Variants in ZNF493 observed in about 807,000 individuals in gnomAD.
The protein encoded by ZNF493 is zinc finger protein 493.
In ZNF493, 11 loss-of-function variants were observed where a neutral mutation model predicts 12.2. The ratio of observed to expected loss-of-function variants is 0.90; its 90% CI spans 0.57 to 1.50. The LOEUF (loss-of-function observed/expected upper bound fraction) is 1.50, where lower values mean the gene tolerates loss of function less well. Among genes scored for constraint, ZNF493 ranks in the 40% most tolerant of loss-of-function variants. The probability of loss-of-function intolerance (pLI) is 0.00; values close to 1 mark genes in which losing one functional copy is unlikely to be tolerated. For synonymous variants in ZNF493, 286 were observed against 302.6 expected, an observed-to-expected ratio of 0.95 and a Z score of 0.57; for missense variants, 950 against 906.6, an observed-to-expected ratio of 1.05 and a Z score of -0.61.
intron 3 of ZNF493, among the ~76,000 whole-genome samples, chr19:21,415,038 A>C (rs187405656): frequency 6.6e-6 from 1 of 152,308 alleles, no homozygotes; most frequent in East Asian, 1.9e-4. Context: ...GTAATTTAAC[A>C]ATCCGAGTTC....
chr19:21,397,471 T>C (rs1228090173), intron 1 of ZNF493: 5 of 653,772 alleles, frequency 7.6e-6, no homozygotes, highest in African/African-American at 1.8e-5. Flanking sequence ...GTCCTGTCTC[T>C]TCCCTGCACT....
chr19:21,424,644 G>A lies in ZNF493; in HGVS notation c.1985G>A (p.Cys662Tyr). Residue 662 changes from cysteine (C) to tyrosine (Y), a missense_variant, in exon 4 of 4, where the codon TGT becomes TAT. Coordinates refer to ENST00000392288, the MANE Select transcript of ZNF493 (RefSeq NM_001076678.3). Reference sequence around the variant, plus strand: ...CAAAAACCCTACAAATGTGAAGAATGTGGCAAAGCCTTTAGTATATTCTCA... The same window carrying A: ...CAAAAACCCTACAAATGTGAAGAATATGGCAAAGCCTTTAGTATATTCTCA... ...SVQKPYKCEECGKAFSIFSTL... is the reference protein window; with the variant it reads ...SVQKPYKCEEYGKAFSIFSTL... The A allele has an allele frequency of 6.2e-7, 1 of 1,613,682 alleles. No homozygotes were observed. Among genetic ancestry groups the A allele is most frequent in the Admixed American group, 1.7e-5 (1 of 59,972 alleles).
At chr19:21,422,777 A>G (rs1458571417) in intron 3 of ZNF493, 136 bp from the exon 4 acceptor site, 6 of 723,948 alleles carry the variant, frequency 8.3e-6, no homozygotes, top group African/African-American at 7.4e-5. Context: ...TTCATTACAT[A>G]TAAAGAATTA....
chr19:21,408,668 G>C, intron 3 of ZNF493: 2 of 985,200 alleles, frequency 2.0e-6, no homozygotes, highest in Non-Finnish European at 2.4e-6. Context: ...GGTGTTTTCA[G>C]TGTAGGTATC....
At chr19:21,422,759 A>G (rs572419694) in intron 3 of ZNF493, among the ~76,000 whole-genome samples, 154 bp from the exon 4 acceptor site, 1 of 152,164 alleles carries the variant, frequency 6.6e-6, no homozygotes, top group African/African-American at 2.4e-5. Flanking sequence ...TATTTTGGTT[A>G]GTATGTTTTC....
Position 21,424,930 on chromosome 19 carries a change from T to C in ZNF493, c.2271T>C (p.Ser757=). 6.2e-7 allele frequency: 1 copy of C among 1,609,364 alleles called. No individual in the cohort carries two copies. The highest frequency in any genetic ancestry group is 8.5e-7 in the Non-Finnish European group (1 of 1,177,950). The stretch of plus-strand genomic sequence containing the variant: ...CTTTTAGGCGGTCTTCACATCTTAG[T>C]AGACATAAGATAATTCATATTGGAA... The part of the protein sequence containing the change: ...GKAFRRSSHL[S]RHKIIHIGIH... The change falls in exon 4 of 4, where the codon AGT becomes AGC. Residue 757 remains serine (S), a synonymous_variant. Transcript: ENST00000392288.
rs749315339 is a variant in ZNF493, at chr19:21,424,923, A to C, written c.2264A>C (p.His755Pro). 1 of 1,610,290 alleles carries C rather than the reference A, an allele frequency of 6.2e-7. No individual in the cohort carries two copies. The highest frequency in any genetic ancestry group is 8.5e-7 in the Non-Finnish European group (1 of 1,178,350). Residue 755 changes from histidine to proline, a missense_variant, in exon 4 of 4, where the codon CAT becomes CCT. His to Pro is a moderately conservative substitution (Grantham distance 77, BLOSUM62 -2). Coordinates refer to ENST00000392288, the MANE Select transcript of ZNF493 (RefSeq NM_001076678.3). The stretch of plus-strand genomic sequence containing the variant: ...GGCAAAGCTTTTAGGCGGTCTTCAC[A>C]TCTTAGTAGACATAAGATAATTCAT... ...ACGKAFRRSS[H>P]LSRHKIIHIG...
intron 1 of ZNF493, among the ~76,000 whole-genome samples, chr19:21,401,285 A>G (rs1282316745): frequency 6.6e-6 from 1 of 152,090 alleles, no homozygotes; most frequent in African/African-American, 2.4e-5. Context: ...CCAACCTTTT[A>G]TTTCAGAGAT....
chr19:21,417,353 G>T (rs756259871), intron 3 of ZNF493, among the ~76,000 whole-genome samples: 1 of 151,976 alleles, frequency 6.6e-6, no homozygotes, highest in African/African-American at 2.4e-5. Context: ...GTAGCCTTAC[G>T]CAGATTACCT....
rs2030871010 is a variant in ZNF493, at chr19:21,426,958, T to C, written c.*1974T>C. On this transcript the variant is annotated 3_prime_UTR_variant, in exon 4 of 4. Coordinates refer to ENST00000392288, the MANE Select transcript of ZNF493 (RefSeq NM_001076678.3). Reference sequence around the variant, plus strand: ...CTATATTCGGATTATACTTTGTTTCTTGAAAAAATTACAGATTTTTTGAAA... The same window carrying C: ...CTATATTCGGATTATACTTTGTTTCCTGAAAAAATTACAGATTTTTTGAAA... 1 of 167,026 alleles carries C rather than the reference T, an allele frequency of 6.0e-6. No individual in the cohort carries two copies. The highest frequency in any genetic ancestry group is 1.5e-5 in the Non-Finnish European group (1 of 68,092). 10.3% of individuals were successfully genotyped at this position (167,026 alleles called of 1,614,324 possible). A position where few individuals can be genotyped will look rare whatever the true frequency, so the allele number is the denominator to read the frequency against.
rs778521124 is a variant in ZNF493 at position 21,424,763 on chromosome 19, A to C, written c.2104A>C (p.Thr702Pro). ...KTFYRFSNLNTHKIIHTGEKP... is the reference protein window; with the variant it reads ...KTFYRFSNLNPHKIIHTGEKP... ...TTTCTACCGATTCTCAAACCTTAAT[A>C]CGCATAAGATAATTCATACTGGAGA... Residue 702 changes from threonine to proline, a missense_variant, in exon 4 of 4, where the codon ACG becomes CCG. Thr to Pro is a conservative substitution (Grantham distance 38). Transcript: ENST00000392288. 3.1e-6 allele frequency: 5 copies of C among 1,613,192 alleles called. No individual in the cohort carries two copies. The South Asian group carries it at 5.5e-5, about 18-fold the overall frequency.
rs1328180325 is a variant in ZNF493, at chr19:21,425,681, G to C, written c.*697G>C. 3.8e-6 allele frequency: 3 copies of C among 787,556 alleles called. No individual in the cohort carries two copies. The highest frequency in any genetic ancestry group is 3.5e-5 in the African/African-American group (2 of 57,226). The allele number at this position is 787,556 out of a possible 1,614,324, so 48.8% of individuals were successfully genotyped here. A position where few individuals can be genotyped will look rare whatever the true frequency, so the allele number is the denominator to read the frequency against. ...CACATTAGATAATTCATGCTGGAGA[G>C]AAACCCTACAAATGTGAAAAATGTG... On this transcript the variant is annotated 3_prime_UTR_variant, in exon 4 of 4. Transcript: ENST00000392288.
chr19:21,399,963 T>C (rs1050996264), intron 1 of ZNF493, among the ~76,000 whole-genome samples: 9 of 152,236 alleles, frequency 5.9e-5, no homozygotes, highest in African/African-American at 2.2e-4. Context: ...TTTGTGAGTT[T>C]CATGCTAAAT....
intron 3 of ZNF493, among the ~76,000 whole-genome samples, chr19:21,420,939 G>T (rs993498167): frequency 2.0e-5 from 3 of 151,504 alleles, no homozygotes; most frequent in East Asian, 2.0e-4. Flanking sequence ...AGTAGAGATG[G>T]GTTCCCCCAT....
rs895710832 is a variant in ZNF493, at chr19:21,423,579, C to A, written c.920C>A (p.Thr307Asn). 11 of 1,613,240 alleles carry A rather than the reference C, an allele frequency of 6.8e-6. No individual in the cohort carries two copies. The highest frequency in any genetic ancestry group is 9.3e-6 in the Non-Finnish European group (11 of 1,179,740). ...GGCAAAACTTTTAACCAATCTTCAA[C>A]CCTTACTGGACATAAGATAATTCAT... ...QYGKTFNQSS[T>N]LTGHKIIHNG... Residue 307 changes from threonine (T) to asparagine (N), a missense_variant, in exon 4 of 4, where the codon ACC becomes AAC. Coordinates refer to ENST00000392288, the MANE Select transcript of ZNF493 (RefSeq NM_001076678.3).
intron 3 of ZNF493, chr19:21,408,114 ATTTTTTTTTTTTTT>A (rs56372601): frequency 4.2e-4 from 348 of 829,466 alleles, no homozygotes; most frequent in South Asian, 1.2e-3. Context: ...GTACTTCCCA[ATTTTTTTTTTTTTT>A]TTTTTTTTTT....
chr19:21,423,150 A>G lies in ZNF493; in HGVS notation c.491A>G (p.His164Arg), dbSNP rs960778132. The G allele has an allele frequency of 5.6e-6, 9 of 1,613,468 alleles. No individual in the cohort carries two copies. The highest frequency in any genetic ancestry group is 7.6e-6 in the Non-Finnish European group (9 of 1,179,786). ...FQCDKYVKVF[H>R]KLLNSNRHNT... The stretch of plus-strand genomic sequence containing the variant: ...TGTGATAAATATGTGAAAGTCTTTC[A>G]TAAACTTTTAAATTCAAATAGACAT... Residue 164 changes from histidine (H) to arginine (R), a missense_variant, in exon 4 of 4, where the codon CAT (histidine) becomes CGT (arginine). Physicochemically the swap from His to Arg is conservative, Grantham distance 29. Coordinates refer to ENST00000392288, the MANE Select transcript of ZNF493 (RefSeq NM_001076678.3).
rs1365209826 is a variant in ZNF493, at chr19:21,424,688, A to G, written c.2029A>G (p.Ile677Val). 6.2e-7 allele frequency: 1 copy of G among 1,613,548 alleles called. No individual in the cohort carries two copies. The highest frequency in any genetic ancestry group is 8.5e-7 in the Non-Finnish European group (1 of 1,179,742). ...ATTCTCAACCCTTACTAAACATAAG[A>G]TAATTCATACTGAAGAGAAACCCTA... Reference protein sequence around the residue: ...SIFSTLTKHKIIHTEEKPYKC... With the variant: ...SIFSTLTKHKVIHTEEKPYKC... The change falls in exon 4 of 4, where the codon ATA becomes GTA. Residue 677 changes from isoleucine (I) to valine (V), a missense_variant. Physicochemically the swap from Ile to Val is conservative, Grantham distance 29 (BLOSUM62 3). Coordinates refer to ENST00000392288, the MANE Select transcript of ZNF493 (RefSeq NM_001076678.3).
rs570959287 is a variant in ZNF493, at chr19:21,426,575, C to A, written c.*1591C>A. ...CAGATCTTATTGTCCACATTTTGTA[C>A]TACAGAAAAACTCTGAAGAGGTCAC... On this transcript the variant is annotated 3_prime_UTR_variant, in exon 4 of 4. Coordinates refer to ENST00000392288, the MANE Select transcript of ZNF493 (RefSeq NM_001076678.3). The A allele has an allele frequency of 6.0e-6, 1 of 166,930 alleles. No individual in the cohort carries two copies. The highest frequency in any genetic ancestry group is 1.9e-4 in the East Asian group (1 of 5,186). 10.3% of individuals were successfully genotyped at this position (166,930 alleles called of 1,614,324 possible).
Sources: gnomAD v4.1 joint callset for allele counts (sites outside exome capture counted in the v4.1 genomes callset) on GRCh38, gnomAD v4.1.1 for gene constraint, MANE v1.5 for transcripts, NCBI Gene and HGNC (gene_info 2026-07-23, HGNC 2026-07-21) for gene names.